Variants in OGA observed in about 807,000 individuals in gnomAD.
OGA encodes protein O-GlcNAcase.
In OGA, 21 loss-of-function variants were observed where a neutral mutation model predicts 102.0. The ratio of observed to expected loss-of-function variants is 0.21; its 90% confidence interval spans 0.15 to 0.30. The LOEUF (loss-of-function observed/expected upper bound fraction) is 0.30. OGA is among the 10% of genes least tolerant of loss of function. The pLI, the probability that OGA is intolerant of heterozygous loss-of-function variation, is 1.00. For missense variants in OGA, 765 were observed against 1,107.8 expected (o/e 0.69, Z 4.39); for synonymous variants, 408 against 378.2 (o/e 1.08, Z -0.91).
At position 101,813,570 on chromosome 10, in the gene OGA, T is replaced by C; in HGVS notation, c.236A>G (p.Lys79Arg). 1 of 1,553,774 alleles carries C rather than the reference T, an allele frequency of 6.4e-7. No homozygotes were observed. Reference protein sequence around the residue: ...YGRPWVMEQRKELFRRLQKWE... With the variant: ...YGRPWVMEQRRELFRRLQKWE... ...GAAGATTTACCTTCTAAAGAGTTCT[T>C]TTCTCTGTTCCATAACCCAAGGTCT... The change falls in exon 2 of 16, where the codon AAA becomes AGA. Residue 79 changes from lysine to arginine, a missense_variant. Physicochemically the swap from Lys to Arg is conservative, Grantham distance 26. Transcript: ENST00000361464.
At chr10:101,786,955 G>A (rs982279786) in intron 15 of OGA, among the ~76,000 whole-genome samples, 1 of 152,050 alleles carries the variant, frequency 6.6e-6, no homozygotes, top group Non-Finnish European at 1.5e-5. Flanking sequence ...CACCATGTTG[G>A]CCAGGCTGGT....
In OGA at chr10:101,798,909, T is replaced by A. The variant is rs1383375215; in HGVS notation, c.1742A>T (p.Glu581Val). The A allele has an allele frequency of 5.6e-6, 9 of 1,614,168 alleles. No homozygotes were observed. The highest frequency in any genetic ancestry group is 7.6e-6 in the Non-Finnish European group (9 of 1,180,044). ...HGPKGAQMLR[E>V]FQWLRANSSV... Reference sequence around the variant, plus strand: ...ACTATTTGCTCGAAGCCATTGAAATTCCCGTAACATCTGTGCTCCTTTGGG... The same window carrying A: ...ACTATTTGCTCGAAGCCATTGAAATACCCGTAACATCTGTGCTCCTTTGGG... Residue 581 changes from glutamate (E) to valine (V), a missense_variant, in exon 9 of 16, where the codon GAA (glutamate) becomes GTA (valine). Transcript: ENST00000361464.
chr10:101,786,649 T>C (rs1303888404), intron 15 of OGA, 62 bp from the exon 16 acceptor site: 20 of 1,318,788 alleles, frequency 1.5e-5, no homozygotes, highest in Non-Finnish European at 1.8e-5. Context: ...ATTATAGATA[T>C]AAAACTATAA....
chr10:101,798,716 A>C, intron 9 of OGA, 126 bp downstream of exon 9: 1 of 1,251,208 alleles, frequency 8.0e-7, no homozygotes, highest in Non-Finnish European at 1.1e-6. Context: ...AACCGGCCTA[A>C]AGAACATATT....
intron 3 of OGA, 182 bp downstream of exon 3, chr10:101,812,848 A>ATATG: frequency 1.5e-6 from 1 of 670,038 alleles, no homozygotes; most frequent in Admixed American, 2.0e-5. Flanking sequence ...ACATATGGTC[A>ATATG]TGACCTTGCT....
intron 7 of OGA, 83 bp downstream of exon 7, chr10:101,803,652 G>T: frequency 7.5e-7 from 1 of 1,326,184 alleles, no homozygotes; most frequent in South Asian, 1.4e-5. Context: ...AAGTTGTGAT[G>T]ACAAAGGAAT....
intron 13 of OGA, 53 bp downstream of exon 13, chr10:101,791,301 G>A: frequency 2.1e-6 from 3 of 1,460,284 alleles, no homozygotes; most frequent in Non-Finnish European, 2.9e-6. Flanking sequence ...CCCTCAACCT[G>A]ATAAGCCTCA....
At chr10:101,813,674 A>C in intron 1 of OGA, 68 bp from the exon 2 acceptor site, 6 of 969,574 alleles carry the variant, frequency 6.2e-6, no homozygotes, top group Non-Finnish European at 9.5e-6. Flanking sequence ...GAGAAAAGCA[A>C]GTTACAAAAC....
chr10:101,806,881 C>CTGGG (rs1451396962), intron 5 of OGA, among the ~76,000 whole-genome samples: 1 of 152,104 alleles, frequency 6.6e-6, no homozygotes, highest in Admixed American at 6.6e-5. Flanking sequence ...CGACACTAGC[C>CTGGG]TGGGCAATAT....
intron 7 of OGA, among the ~76,000 whole-genome samples, chr10:101,803,463 C>CAAAAAAAAAAAAAAAAA (rs891830325): frequency 8.4e-6 from 1 of 119,024 alleles, no homozygotes. Context: ...AAAAAAAAAA[C>CAAAAAAAAAAAAAAAAA]AAAAAAAAAA....
intron 3 of OGA, among the ~76,000 whole-genome samples, chr10:101,811,131 T>C (rs2135089790): frequency 6.6e-6 from 1 of 152,134 alleles, no homozygotes; most frequent in Non-Finnish European, 1.5e-5. Flanking sequence ...GGCTCATGCC[T>C]GTAACCCCAG....
At chr10:101,786,738 T>C in intron 15 of OGA, 151 bp from the exon 16 acceptor site, 1 of 679,896 alleles carries the variant, frequency 1.5e-6, no homozygotes, top group South Asian at 3.5e-5. Flanking sequence ...AAAATTCATA[T>C]TCAAAAAATT....
At chr10:101,788,464 G>A (rs1589821865) in intron 14 of OGA, among the ~76,000 whole-genome samples, 2 of 151,410 alleles carry the variant, frequency 1.3e-5, no homozygotes, top group Middle Eastern at 6.8e-3. Flanking sequence ...CAGGCGTGGT[G>A]GCTCACTCAC....
chr10:101,802,595 G>A (rs1338885729), intron 7 of OGA, among the ~76,000 whole-genome samples: 1 of 151,834 alleles, frequency 6.6e-6, no homozygotes, highest in Non-Finnish European at 1.5e-5. Context: ...CTTGAACCTG[G>A]GAGGCGGAGG....
intron 1 of OGA, among the ~76,000 whole-genome samples, chr10:101,816,847 A>C (rs2065633572): frequency 6.6e-6 from 1 of 152,220 alleles, no homozygotes; most frequent in South Asian, 2.1e-4. Flanking sequence ...CTCAACGTCG[A>C]GAGCAATCCT....
chr10:101,800,498 C>A, intron 7 of OGA, 98 bp from the exon 8 acceptor site: 1 of 882,930 alleles, frequency 1.1e-6, no homozygotes, highest in East Asian at 2.6e-5. Flanking sequence ...CACAGTATAA[C>A]CACAGAAACA....
rs760216056 is a variant in OGA, at chr10:101,807,690, CAAG to C, written c.652+37_652+39del. The C allele has an allele frequency of 3.6e-6, 5 of 1,371,338 alleles. No individual in the cohort carries two copies. In the East Asian group the frequency reaches 7.8e-5, roughly 21 times the overall value. 84.9% of individuals were successfully genotyped at this position (1,371,338 alleles called of 1,614,324 possible). A position where few individuals can be genotyped will look rare whatever the true frequency, so the allele number is the denominator to read the frequency against. ...ATGGTCCTTTATAAGTTATATATTCCAAGAAGACTAGTTAAATGTAAAGCCATT... is the reference window on the plus strand; with the variant it reads ...ATGGTCCTTTATAAGTTATATATTCCAAGACTAGTTAAATGTAAAGCCATT... On this transcript the variant is annotated intron_variant, in intron 5 of 15. Coordinates refer to ENST00000361464, the MANE Select transcript of OGA (RefSeq NM_012215.5).
At chr10:101,809,810 AC>A (rs1379357175) in intron 4 of OGA, among the ~76,000 whole-genome samples, 1 of 151,978 alleles carries the variant, frequency 6.6e-6, no homozygotes, top group African/African-American at 2.4e-5. Context: ...TAATCCCAGC[AC>A]TTTGGGAAGA....
Position 101,787,431 on chromosome 10 carries a change from T to C in OGA, c.2547A>G (p.Lys849=). 6.2e-7 allele frequency: 1 copy of C among 1,614,146 alleles called. No individual in the cohort carries two copies. The highest frequency in any genetic ancestry group is 8.5e-7 in the Non-Finnish European group (1 of 1,179,970). ...FPSLIKMDIH[K]KVTDPSVAKS... ...TGGCCACACTTGGGTCAGTTACTTT[T>C]TTGTGAATGTCCATCTTTATCAGAG... The change falls in exon 15 of 16, where the codon AAA becomes AAG. Residue 849 remains lysine (K), a synonymous_variant. Coordinates refer to ENST00000361464, the MANE Select transcript of OGA (RefSeq NM_012215.5).
Sources: allele counts gnomAD v4.1 joint callset (sites outside exome capture counted in the v4.1 genomes callset), GRCh38; gene constraint gnomAD v4.1.1; transcripts MANE v1.5; gene names NCBI Gene and HGNC (gene_info 2026-07-23, HGNC 2026-07-21).